TPRX1: variants seen among roughly 807,000 people sequenced by gnomAD.
TPRX1 encodes tetra-peptide repeat homeobox protein 1.
In TPRX1, 2 loss-of-function variants were observed where a neutral mutation model predicts 8.1. That is an observed-to-expected ratio of 0.25 (90% CI 0.10 to 0.78). The LOEUF (loss-of-function observed/expected upper bound fraction) is 0.78. TPRX1 is among the 30% of genes least tolerant of loss of function. The pLI is 0.70. For missense variants in TPRX1, 517 were observed against 586.9 expected (o/e 0.88, Z 1.23); for synonymous variants, 257 against 254.1 (o/e 1.01, Z -0.11).
At chr19:47,803,303 C>T (rs1967701048) in intron 3 of TPRX1, among the ~76,000 whole-genome samples, 1 of 151,664 alleles carries the variant, frequency 6.6e-6, no homozygotes, top group Admixed American at 6.6e-5. Flanking sequence ...CCGTGGGGGA[C>T]AGCCTGGGCC....
At chr19:47,813,035 A>G (rs1967797762) in intron 2 of TPRX1, among the ~76,000 whole-genome samples, 2 of 151,846 alleles carry the variant, frequency 1.3e-5, no homozygotes, top group South Asian at 4.2e-4. Flanking sequence ...TGAACCCAGG[A>G]GGTGGAGGTT....
chr19:47,805,349 G>T (rs1967726311), intron 2 of TPRX1, among the ~76,000 whole-genome samples: 1 of 152,110 alleles, frequency 6.6e-6, no homozygotes, highest in Non-Finnish European at 1.5e-5. Context: ...CAGGTCTGAT[G>T]GACGTGCCCA....
intron 3 of TPRX1, among the ~76,000 whole-genome samples, 194 bp from the exon 3 acceptor site, chr19:47,803,174 G>T (rs1027032918): frequency 6.6e-6 from 1 of 151,952 alleles, no homozygotes; most frequent in African/African-American, 2.4e-5. Flanking sequence ...AGGGGGAGGA[G>T]GGTGGGGTGG....
intron 2 of TPRX1, among the ~76,000 whole-genome samples, chr19:47,815,141 T>TATATATATATATAA (rs1967825212): frequency 9.7e-6 from 1 of 103,432 alleles, no homozygotes; most frequent in Non-Finnish European, 1.9e-5. Context: ...TATATATATA[T>TATATATATATATAA]ATGCAAATAT....
chr19:47,808,115 TTTTC>T (rs893090066), intron 2 of TPRX1, among the ~76,000 whole-genome samples: 8 of 151,860 alleles, frequency 5.3e-5, no homozygotes, highest in African/African-American at 1.9e-4. Context: ...TTTTATTTTA[TTTTC>T]TTTATTTGTT....
exon 4 of TPRX1, chr19:47,802,248 T>C (rs769679644): frequency 1.3e-6 from 2 of 1,598,362 alleles, no homozygotes; most frequent in Non-Finnish European, 1.7e-6. Context: ...GGGCCTGGGA[T>C]TGGGCCTGGG....
At chr19:47,806,648 T>C (rs1433331950) in intron 2 of TPRX1, among the ~76,000 whole-genome samples, 4 of 152,190 alleles carry the variant, frequency 2.6e-5, no homozygotes, top group Admixed American at 1.3e-4. Flanking sequence ...ACAACATGGA[T>C]GAACCTTGCC....
At chr19:47,802,172 C>T (rs769738304) in exon 4 of TPRX1, 1 of 1,604,186 alleles carries the variant, frequency 6.2e-7, no homozygotes, top group East Asian at 2.2e-5. Flanking sequence ...GCCTTGGAGT[C>T]TGCCTGGGCC....
chr19:47,803,712 GCAGCCCC>G, intron 2 of TPRX1, 39 bp from the exon 2 acceptor site: 1 of 785,654 alleles, frequency 1.3e-6, no homozygotes, highest in African/African-American at 1.6e-5. Flanking sequence ...AAACCCCCAG[GCAGCCCC>G]CAGCCCCCCT....
At chr19:47,818,681 A>G (rs1387551446) in intron 1 of TPRX1, 1 of 387,346 alleles carries the variant, frequency 2.6e-6, no homozygotes, top group African/African-American at 2.1e-5. Context: ...ACTCATCAAC[A>G]ACCTGATCCA....
At chr19:47,809,072 G>T (rs922157279) in intron 2 of TPRX1, among the ~76,000 whole-genome samples, 1 of 152,040 alleles carries the variant, frequency 6.6e-6, no homozygotes, top group Admixed American at 6.6e-5. Flanking sequence ...CAGAGACTTT[G>T]TTGGGCTTTT....
rs1568617413 is a variant in TPRX1 at position 47,815,149 on chromosome 19, TATATATATATA to T, written c.151+3308_151+3318del. The stretch of plus-strand genomic sequence containing the variant: ...ATATATATATATATATATATGCAAA[TATATATATATA>T]TATTTTTTTTTTTTGAGACAGTCTT... On this transcript the variant is annotated intron_variant, in intron 2 of 3. Coordinates refer to ENST00000535759, the Ensembl canonical transcript of TPRX1. Among the ~76,000 whole-genome samples, 107 of 79,286 alleles carry T rather than the reference TATATATATATA, an allele frequency of 1.3e-3. 1 individual carries two copies. Among genetic ancestry groups the T allele is most frequent in the African/African-American group, 5.4e-3 (101 of 18,876 alleles). The allele number at this position is 79,286 out of a possible 152,430, so 52.0% of individuals were successfully genotyped here. A position where few individuals can be genotyped will look rare whatever the true frequency, so the allele number is the denominator to read the frequency against.
intron 2 of TPRX1, among the ~76,000 whole-genome samples, chr19:47,803,963 C>G (rs1034045252): frequency 4.6e-5 from 7 of 151,934 alleles, no homozygotes; most frequent in Non-Finnish European, 7.4e-5. Context: ...GCCCCGTCCC[C>G]TCCCATCCAA....
chr19:47,802,267 T>C (rs1223935896), exon 4 of TPRX1: 18 of 1,568,934 alleles, frequency 1.1e-5, no homozygotes, highest in Non-Finnish European at 1.6e-5. Flanking sequence ...GGATCAGGCC[T>C]GGGTTCGGGC....
intron 2 of TPRX1, among the ~76,000 whole-genome samples, chr19:47,818,280 A>ATCC (rs1967864661): frequency 8.6e-6 from 1 of 116,812 alleles, no homozygotes; most frequent in South Asian, 2.5e-4. Context: ...TCCATCCATC[A>ATCC]CCCATCCATC....
At chr19:47,811,270 C>A (rs894761332) in intron 2 of TPRX1, among the ~76,000 whole-genome samples, 3 of 151,840 alleles carry the variant, frequency 2.0e-5, no homozygotes, top group Non-Finnish European at 2.9e-5. Context: ...TCCCACAGTG[C>A]TAAAATTACA....
intron 2 of TPRX1, among the ~76,000 whole-genome samples, chr19:47,813,812 G>A (rs1967806748): frequency 6.6e-6 from 1 of 152,002 alleles, no homozygotes; most frequent in African/African-American, 2.4e-5. Context: ...TGGCCTAAGA[G>A]GATTGGAACA....
chr19:47,802,753 C>T (rs761499196), exon 4 of TPRX1: 5 of 1,605,842 alleles, frequency 3.1e-6, no homozygotes, highest in Non-Finnish European at 3.4e-6. Flanking sequence ...CTGGGATGCC[C>T]TTCTGGGCTC....
chr19:47,809,293 T>C (rs1352805614), intron 2 of TPRX1, among the ~76,000 whole-genome samples: 1 of 152,158 alleles, frequency 6.6e-6, no homozygotes, highest in African/African-American at 2.4e-5. Flanking sequence ...CTTTCCTTTT[T>C]TTTTGGAGAC....
Sources: allele counts gnomAD v4.1 joint callset (sites outside exome capture counted in the v4.1 genomes callset), GRCh38; gene constraint gnomAD v4.1.1; transcripts MANE v1.5; gene names NCBI Gene and HGNC (gene_info 2026-07-23, HGNC 2026-07-21).